The following MRTFA variants were observed in gnomAD, a reference collection of about 807,000 sequenced individuals.
MRTFA encodes the protein myocardin-related transcription factor A.
Under a neutral mutation model 83.5 loss-of-function variants are expected in MRTFA, and 20 were observed. That is an observed-to-expected ratio of 0.24 (90% CI 0.17 to 0.35). The LOEUF (loss-of-function observed/expected upper bound fraction) is 0.35. Ranked by LOEUF, MRTFA falls within the 10% of genes least tolerant of loss-of-function variation. The pLI is 1.00. For synonymous variants in MRTFA, 659 were observed against 541.2 expected, an observed-to-expected ratio of 1.22 and a Z score of -3.02; for missense variants, 1,200 against 1,224.7, an observed-to-expected ratio of 0.98 and a Z score of 0.30.
chr22:40,601,216 CT>C (rs200128794), intron 1 of MRTFA, among the ~76,000 whole-genome samples: 2 of 151,894 alleles, frequency 1.3e-5, no homozygotes, highest in African/African-American at 4.8e-5. Flanking sequence ...AGTTTTTGAA[CT>C]TTTTTTTGTT....
intron 3 of MRTFA, among the ~76,000 whole-genome samples, chr22:40,534,749 T>A (rs1000185557): frequency 1.3e-5 from 2 of 152,360 alleles, no homozygotes; most frequent in African/African-American, 4.8e-5. Context: ...TTTTTTAAAG[T>A]TGGAAACTAA....
chr22:40,439,389 C>T (rs2053231093), intron 4 of MRTFA, among the ~76,000 whole-genome samples: 1 of 151,166 alleles, frequency 6.6e-6, no homozygotes, highest in African/African-American at 2.4e-5. Context: ...CCTGTAATCC[C>T]AGCTACTTGG....
intron 4 of MRTFA, among the ~76,000 whole-genome samples, chr22:40,450,747 C>A (rs1013990978): frequency 6.6e-6 from 1 of 152,076 alleles, no homozygotes; most frequent in Non-Finnish European, 1.5e-5. Flanking sequence ...CTTGAGCCAC[C>A]ACACCCAGCC....
At position 40,617,274 on chromosome 22, in the gene MRTFA, T is replaced by C. The variant is rs1304839477; in HGVS notation, c.-84+19204A>G. The stretch of plus-strand genomic sequence containing the variant: ...GATGAAGATACACATTTGGGAATCA[T>C]TGTCATGTAAATGTTATTTAAAGCT... On this transcript the variant is annotated intron_variant, in intron 1 of 14. Coordinates refer to ENST00000355630, the MANE Select transcript of MRTFA (RefSeq NM_020831.6). Among the ~76,000 whole-genome samples, 7 of 151,138 alleles carry C rather than the reference T, an allele frequency of 4.6e-5. No homozygotes were observed. The East Asian group carries it at 5.8e-4, about 13-fold the overall frequency.
intron 1 of MRTFA, among the ~76,000 whole-genome samples, chr22:40,597,668 G>A (rs1409388511): frequency 6.6e-6 from 1 of 152,204 alleles, no homozygotes; most frequent in African/African-American, 2.4e-5. Context: ...AAAGCAGAGG[G>A]TAGTAGAGCG....
chr22:40,432,345 C>T (rs2053084776), intron 5 of MRTFA, among the ~76,000 whole-genome samples: 1 of 152,068 alleles, frequency 6.6e-6, no homozygotes, highest in African/African-American at 2.4e-5. Flanking sequence ...TGAATGGCTG[C>T]CAAATGGAAT....
chr22:40,502,284 G>T, intron 3 of MRTFA, among the ~76,000 whole-genome samples: 1 of 131,850 alleles, frequency 7.6e-6, no homozygotes, highest in African/African-American at 3.0e-5. Context: ...GCCGGGCGGA[G>T]GGGCTCCTCA....
chr22:40,443,749 C>A (rs2053324902), intron 4 of MRTFA, among the ~76,000 whole-genome samples: 1 of 152,094 alleles, frequency 6.6e-6, no homozygotes, highest in Non-Finnish European at 1.5e-5. Context: ...AATGAGATGC[C>A]CCAATACCCT....
intron 1 of MRTFA, among the ~76,000 whole-genome samples, chr22:40,610,032 CT>C (rs1385012262): frequency 4.2e-5 from 6 of 143,408 alleles, no homozygotes; most frequent in African/African-American, 7.7e-5. Flanking sequence ...ATGTCTGTTT[CT>C]TTTTTTTCTC....
At chr22:40,518,384 C>T (rs534818114) in intron 3 of MRTFA, among the ~76,000 whole-genome samples, 1 of 150,778 alleles carries the variant, frequency 6.6e-6, no homozygotes, top group Non-Finnish European at 1.5e-5. Context: ...GTAGAATATC[C>T]AGTTGGTGAC....
At chr22:40,619,409 C>T (rs1055658232) in intron 1 of MRTFA, among the ~76,000 whole-genome samples, 2 of 152,172 alleles carry the variant, frequency 1.3e-5, no homozygotes, top group South Asian at 2.1e-4. Flanking sequence ...AACAGAAAGA[C>T]GATCCTCGTT....
intron 1 of MRTFA, among the ~76,000 whole-genome samples, chr22:40,603,807 T>C (rs1181296799): frequency 6.6e-6 from 1 of 151,264 alleles, no homozygotes; most frequent in East Asian, 1.9e-4. Context: ...AGATGAGGTC[T>C]CACTAGGTTG....
chr22:40,569,716 A>AATACATACATACATAC (rs67146133), intron 2 of MRTFA: 2 of 142,242 alleles, frequency 1.4e-5, no homozygotes, highest in African/African-American at 5.4e-5. Flanking sequence ...CTCCATAATT[A>AATACATACATACATAC]ATACATACAT....
chr22:40,593,590 A>G (rs1329133319), intron 2 of MRTFA, among the ~76,000 whole-genome samples: 1 of 152,186 alleles, frequency 6.6e-6, no homozygotes, highest in African/African-American at 2.4e-5. Context: ...TCATTTACAG[A>G]AGTTTAACTT....
At chr22:40,569,522 G>A (rs1444014803) in intron 2 of MRTFA, 6 of 153,502 alleles carry the variant, frequency 3.9e-5, no homozygotes, top group East Asian at 3.9e-4. Context: ...TCAGGAGTTC[G>A]AGACCAACCT....
chr22:40,497,182 T>C (rs1394594960), intron 3 of MRTFA, among the ~76,000 whole-genome samples: 1 of 152,144 alleles, frequency 6.6e-6, no homozygotes, highest in African/African-American at 2.4e-5. Flanking sequence ...GAGGGGACCT[T>C]GCTGGGGCTG....
intron 1 of MRTFA, among the ~76,000 whole-genome samples, chr22:40,599,775 T>C (rs1170920092): frequency 6.6e-6 from 1 of 151,898 alleles, no homozygotes; most frequent in African/African-American, 2.4e-5. Flanking sequence ...GGTGTTTGCC[T>C]AAAGTCCCAA....
chr22:40,519,395 A>G, intron 3 of MRTFA: 1 of 1,310,074 alleles, frequency 7.6e-7, no homozygotes. Context: ...TATTTCATTT[A>G]GTCAGCTCAC....
chr22:40,608,824 G>A (rs1362327571), intron 1 of MRTFA, among the ~76,000 whole-genome samples: 1 of 152,108 alleles, frequency 6.6e-6, no homozygotes. Flanking sequence ...TTGGCAGGGG[G>A]AACACAGTAA....
Sources: gnomAD v4.1 joint callset for allele counts (sites outside exome capture counted in the v4.1 genomes callset) on GRCh38, gnomAD v4.1.1 for gene constraint, MANE v1.5 for transcripts, NCBI Gene and HGNC (gene_info 2026-07-23, HGNC 2026-07-21) for gene names.